The following TECRL variants were observed in gnomAD, a reference collection of about 807,000 sequenced individuals.
The protein encoded by TECRL is trans-2,3-enoyl-CoA reductase like.
A neutral mutation model predicts 52.8 loss-of-function variants in TECRL; 63 were observed. The observed-to-expected ratio is 1.19, with a 90% confidence interval of 0.97 to 1.47. TECRL has a LOEUF of 1.47. Among genes scored for constraint, TECRL ranks in the 40% most tolerant of loss-of-function variants. The pLI, the probability that TECRL is intolerant of heterozygous loss-of-function variation, is 0.00. For missense variants in TECRL, 482 were observed against 429.6 expected (o/e 1.12, Z -1.08); for synonymous variants, 164 against 141.9 (o/e 1.16, Z -1.10).
chr4:64,353,461 T>C (rs1336264060), intron 2 of TECRL, among the ~76,000 whole-genome samples: 2 of 152,174 alleles, frequency 1.3e-5, no homozygotes, highest in Non-Finnish European at 2.9e-5. Flanking sequence ...AATGTACTGA[T>C]TGCAGATATA....
intron 10 of TECRL, 116 bp downstream of exon 10, chr4:64,281,358 T>C (rs1722818360): frequency 4.5e-6 from 3 of 668,886 alleles, no homozygotes; most frequent in Non-Finnish European, 7.6e-6. Context: ...GATCTGTGGA[T>C]AAGACCTCTA....
At chr4:64,378,345 C>G (rs549239729) in intron 1 of TECRL, among the ~76,000 whole-genome samples, 1 of 152,046 alleles carries the variant, frequency 6.6e-6, no homozygotes, top group East Asian at 1.9e-4. Flanking sequence ...GCAGAAGGAT[C>G]ACTTGAGCCC....
intron 5 of TECRL, among the ~76,000 whole-genome samples, 179 bp downstream of exon 5, chr4:64,314,469 A>AC: frequency 6.6e-6 from 1 of 152,246 alleles, no homozygotes; most frequent in South Asian, 2.1e-4. Flanking sequence ...TGGTGTACAT[A>AC]CACTATGTGT....
intron 1 of TECRL, among the ~76,000 whole-genome samples, chr4:64,402,034 T>C (rs1724391269): frequency 6.6e-6 from 1 of 152,132 alleles, no homozygotes; most frequent in Non-Finnish European, 1.5e-5. Context: ...TTTTTTTATA[T>C]GTACAAAACA....
chr4:64,291,448 C>T (rs1289943326), intron 8 of TECRL, among the ~76,000 whole-genome samples: 1 of 151,802 alleles, frequency 6.6e-6, no homozygotes, highest in South Asian at 2.1e-4. Flanking sequence ...TATTCGTTTT[C>T]CATCACTCAC....
intron 2 of TECRL, among the ~76,000 whole-genome samples, chr4:64,345,093 T>A (rs1012306838): frequency 6.6e-6 from 1 of 152,148 alleles, no homozygotes; most frequent in Non-Finnish European, 1.5e-5. Flanking sequence ...ATAGGAACAC[T>A]TTTACACTGT....
chr4:64,353,195 A>G (rs1001806045), intron 2 of TECRL, among the ~76,000 whole-genome samples: 1 of 152,214 alleles, frequency 6.6e-6, no homozygotes, highest in African/African-American at 2.4e-5. Flanking sequence ...AACACAGAAT[A>G]AGAAGTTCTC....
chr4:64,396,918 C>T (rs1234214367), intron 1 of TECRL, among the ~76,000 whole-genome samples: 1 of 152,108 alleles, frequency 6.6e-6, no homozygotes, highest in African/African-American at 2.4e-5. Context: ...GAAGCCCTTT[C>T]CCCATTGCTT....
intron 6 of TECRL, among the ~76,000 whole-genome samples, chr4:64,306,884 C>T (rs1295350595): frequency 6.6e-6 from 1 of 152,216 alleles, no homozygotes. Flanking sequence ...TTTCAAACCT[C>T]TGTCTGAAAA....
intron 5 of TECRL, 58 bp downstream of exon 5, chr4:64,314,589 TG>T: frequency 1.0e-6 from 1 of 1,003,510 alleles, no homozygotes; most frequent in Non-Finnish European, 1.5e-6. Context: ...TTAACGTGTA[TG>T]GTGTGTGTGT....
rs1722731611 is a variant in TECRL at position 64,279,876 on chromosome 4, T to C, written c.*196A>G. 3 of 1,132,778 alleles carry C rather than the reference T, an allele frequency of 2.6e-6. No individual in the cohort carries two copies. Among genetic ancestry groups the C allele is most frequent in the South Asian group, 6.5e-5 (2 of 30,850 alleles). 70.2% of individuals were successfully genotyped at this position (1,132,778 alleles called of 1,614,324 possible). On this transcript the variant is annotated 3_prime_UTR_variant, in exon 12 of 12. Transcript: ENST00000381210. Reference sequence around the variant, plus strand: ...TACATTCAGAGCTGTTCTTAGTTAATTGCATTTATAATTTATACTTTTTAT... The same window carrying C: ...TACATTCAGAGCTGTTCTTAGTTAACTGCATTTATAATTTATACTTTTTAT...
intron 2 of TECRL, 128 bp downstream of exon 2, chr4:64,375,044 T>C (rs1722298092): frequency 2.6e-6 from 1 of 381,250 alleles, no homozygotes; most frequent in Admixed American, 4.7e-5. Flanking sequence ...AGCAAACTAT[T>C]GTTCCTGAGC....
intron 4 of TECRL, among the ~76,000 whole-genome samples, chr4:64,319,383 A>G (rs1016118527): frequency 2.0e-5 from 3 of 151,850 alleles, no homozygotes; most frequent in African/African-American, 7.2e-5. Context: ...TCCAGGACCT[A>G]CAACTAAGTT....
intron 8 of TECRL, 119 bp from the exon 9 acceptor site, chr4:64,289,886 A>T (rs565640716): frequency 3.4e-6 from 2 of 581,228 alleles, no homozygotes; most frequent in African/African-American, 3.9e-5. Flanking sequence ...CAAAAGATAT[A>T]TATTTTATTC....
chr4:64,324,779 T>TAC, intron 3 of TECRL, among the ~76,000 whole-genome samples: 1 of 152,192 alleles, frequency 6.6e-6, no homozygotes, highest in Non-Finnish European at 1.5e-5. Flanking sequence ...TACATATATA[T>TAC]ACATATATAA....
chr4:64,340,779 C>G (rs1577901303), intron 2 of TECRL, among the ~76,000 whole-genome samples: 1 of 152,200 alleles, frequency 6.6e-6, no homozygotes, highest in East Asian at 1.9e-4. Context: ...AGCTGCCAGT[C>G]TCACAGACTG....
intron 1 of TECRL, among the ~76,000 whole-genome samples, chr4:64,403,655 A>C (rs1578003403): frequency 6.6e-6 from 1 of 152,170 alleles, no homozygotes; most frequent in African/African-American, 2.4e-5. Flanking sequence ...ACCATGCCTA[A>C]GGAAAAAGAA....
chr4:64,361,729 C>A (rs1344814645), intron 2 of TECRL, among the ~76,000 whole-genome samples: 1 of 152,070 alleles, frequency 6.6e-6, no homozygotes, highest in Admixed American at 6.6e-5. Context: ...GAGACAACTT[C>A]AAAGATTAAG....
chr4:64,309,682 A>G (rs1724550460), intron 6 of TECRL, 144 bp downstream of exon 6: 1 of 667,752 alleles, frequency 1.5e-6, no homozygotes, highest in African/African-American at 1.9e-5. Context: ...AAAGAATGAC[A>G]TTTTAGGAAA....
Sources: gnomAD v4.1 joint callset for allele counts (sites outside exome capture counted in the v4.1 genomes callset) on GRCh38, gnomAD v4.1.1 for gene constraint, MANE v1.5 for transcripts, NCBI Gene and HGNC (gene_info 2026-07-23, HGNC 2026-07-21) for gene names.